The following RIC3 variants were observed in gnomAD, a reference collection of about 807,000 sequenced individuals.
The protein encoded by RIC3 is RIC3 acetylcholine receptor chaperone.
RIC3 carries 28 observed loss-of-function variants against 27.3 expected under a neutral mutation model. The ratio of observed to expected loss-of-function variants is 1.02; its 90% CI spans 0.76 to 1.41. RIC3 has a LOEUF of 1.41. Among genes scored for constraint, RIC3 ranks in the 40% most tolerant of loss-of-function variants. The pLI is 0.00. For synonymous variants in RIC3, 184 were observed against 160.4 expected (o/e 1.15, Z -1.11); for missense variants, 501 against 444.7 (o/e 1.13, Z -1.14).
chr11:8,097,097 G>A, the RIC3 span: 2 of 1,028,826 alleles, frequency 1.9e-6, no homozygotes, highest in African/African-American at 1.6e-5. Flanking sequence ...GGCCCAGGCT[G>A]GCCAGGCCCC....
intron 1 of RIC3, among the ~76,000 whole-genome samples, chr11:8,158,492 G>A (rs1950874548): frequency 6.6e-6 from 1 of 151,924 alleles, no homozygotes; most frequent in Non-Finnish European, 1.5e-5. Flanking sequence ...CAACTACCCT[G>A]CAACCTATTC....
chr11:8,122,992 C>T (rs560381435), intron 5 of RIC3, among the ~76,000 whole-genome samples: 1 of 150,374 alleles, frequency 6.7e-6, no homozygotes, highest in Non-Finnish European at 1.5e-5. Context: ...AAAGCTATTA[C>T]AGATATGAAT....
chr11:8,129,290 G>C (rs1269174746), intron 4 of RIC3, among the ~76,000 whole-genome samples: 1 of 151,766 alleles, frequency 6.6e-6, no homozygotes, highest in Non-Finnish European at 1.5e-5. Context: ...CTCAATCCTA[G>C]GACTCTCATT....
intron 1 of RIC3, among the ~76,000 whole-genome samples, chr11:8,148,968 C>A (rs993446664): frequency 6.9e-6 from 1 of 144,154 alleles, no homozygotes; most frequent in African/African-American, 2.6e-5. Flanking sequence ...ATCACGAGGT[C>A]AGGAGATCAA....
At chr11:8,100,574 TGA>T in the RIC3 span, 42 of 1,614,008 alleles carry the variant, frequency 2.6e-5, no homozygotes, top group Non-Finnish European at 3.5e-5. Flanking sequence ...ACATGGTTCA[TGA>T]GAGAGTCTCT....
intron 1 of RIC3, among the ~76,000 whole-genome samples, chr11:8,153,678 T>A (rs999623742): frequency 6.6e-6 from 1 of 152,216 alleles, no homozygotes. Flanking sequence ...AGGAATACAC[T>A]GTAATTTCCA....
intron 1 of RIC3, among the ~76,000 whole-genome samples, chr11:8,144,305 T>C (rs1259524680): frequency 1.3e-5 from 2 of 150,584 alleles, no homozygotes; most frequent in Admixed American, 6.6e-5. Flanking sequence ...ATATCCAGAA[T>C]CTACGATGAA....
At chr11:8,124,550 T>C (rs915780010) in intron 5 of RIC3, among the ~76,000 whole-genome samples, 2 of 152,152 alleles carry the variant, frequency 1.3e-5, no homozygotes, top group African/African-American at 4.8e-5. Context: ...TAAATTTATC[T>C]GAAATTGTGA....
intron 1 of RIC3, among the ~76,000 whole-genome samples, chr11:8,147,724 ATTTT>A: frequency 8.0e-6 from 1 of 124,516 alleles, no homozygotes; most frequent in African/African-American, 3.1e-5. Context: ...CTTGCGTAAG[ATTTT>A]TTTTTTTTTT....
In RIC3 at chr11:8,142,707, G is replaced by A. The variant is rs1314442127; in HGVS notation, c.125-2514C>T. Among the ~76,000 whole-genome samples the A allele has an allele frequency of 9.9e-3, 1,287 of 129,392 alleles. 30 individuals carry two copies. Among genetic ancestry groups the A allele is most frequent in the African/African-American group, 0.04 (1,210 of 30,270 alleles). 84.9% of individuals were successfully genotyped at this position (129,392 alleles called of 152,430 possible). ...CCAGCATCATTCTGATACCAAAGCCGGGCAGAGACACAACCAAAAAAGAGA... is the reference window on the plus strand; with the variant it reads ...CCAGCATCATTCTGATACCAAAGCCAGGCAGAGACACAACCAAAAAAGAGA... On this transcript the variant is annotated intron_variant, in intron 1 of 5. Coordinates refer to ENST00000309737, the MANE Select transcript of RIC3 (RefSeq NM_001206671.4).
chr11:8,097,825 C>T, the RIC3 span: 4 of 1,611,210 alleles, frequency 2.5e-6, no homozygotes, highest in South Asian at 2.2e-5. Context: ...CGGGAAACTG[C>T]GGTACTAGCA....
At chr11:8,118,375 G>A (rs1383213789) in intron 5 of RIC3, among the ~76,000 whole-genome samples, 3 of 151,584 alleles carry the variant, frequency 2.0e-5, no homozygotes, top group Non-Finnish European at 4.4e-5. Flanking sequence ...AGTTAGTGCA[G>A]GAGATAAAGG....
In RIC3 at chr11:8,106,201, G is replaced by C. The variant is rs889250760; in HGVS notation, c.*4497C>G. On this transcript the variant is annotated 3_prime_UTR_variant, in exon 6 of 6. Coordinates refer to ENST00000309737, the MANE Select transcript of RIC3 (RefSeq NM_001206671.4). ...GTTGTAGAATTTAGTGTTTGTCTAAGTACACACATATATCAACAAATTAAA... is the reference window on the plus strand; with the variant it reads ...GTTGTAGAATTTAGTGTTTGTCTAACTACACACATATATCAACAAATTAAA... 2 of 152,050 alleles carry C rather than the reference G, an allele frequency of 1.3e-5. No individual in the cohort carries two copies. The highest frequency in any genetic ancestry group is 2.9e-5 in the Non-Finnish European group (2 of 67,968). 9.4% of individuals were successfully genotyped at this position (152,050 alleles called of 1,614,324 possible).
intron 2 of RIC3, 99 bp downstream of exon 2, chr11:8,139,868 A>G: frequency 9.4e-7 from 1 of 1,064,100 alleles, no homozygotes; most frequent in Non-Finnish European, 1.4e-6. Context: ...TGGATTTGAA[A>G]TAATTTTATG....
At chr11:8,119,927 C>T (rs556569139) in intron 5 of RIC3, among the ~76,000 whole-genome samples, 25 of 152,292 alleles carry the variant, frequency 1.6e-4, no homozygotes, top group Admixed American at 4.6e-4. Flanking sequence ...ATGCAGCCAA[C>T]AGACATATGA....
chr11:8,094,154 G>C, the RIC3 span: 1 of 1,613,978 alleles, frequency 6.2e-7, no homozygotes, highest in Non-Finnish European at 8.5e-7. Context: ...GGCCAGGGTG[G>C]CGCCGCTAGG....
chr11:8,139,518 G>A (rs1948798215), intron 2 of RIC3: 1 of 163,484 alleles, frequency 6.1e-6, no homozygotes, highest in Non-Finnish European at 1.3e-5. Flanking sequence ...AAACAAGCAG[G>A]ATAAAGTGGT....
At position 8,107,215 on chromosome 11, in the gene RIC3, A is replaced by G. The variant is rs1564942303; in HGVS notation, c.*3483T>C. ...AATATTGCTGAATAGCTAAAGCACT[A>G]AATTTTTCTTTGGAATACAAATAGT... is the stretch of plus-strand genomic sequence containing the variant. On this transcript the variant is annotated 3_prime_UTR_variant, in exon 6 of 6. Transcript: ENST00000309737. 1 of 152,230 alleles carries G rather than the reference A, an allele frequency of 6.6e-6. No individual in the cohort carries two copies. Among genetic ancestry groups the G allele is most frequent in the East Asian group, 1.9e-4 (1 of 5,200 alleles). 9.4% of individuals were successfully genotyped at this position (152,230 alleles called of 1,614,324 possible).
intron 1 of RIC3, among the ~76,000 whole-genome samples, chr11:8,168,484 C>T (rs937643624): frequency 6.6e-6 from 1 of 152,154 alleles, no homozygotes; most frequent in East Asian, 1.9e-4. Flanking sequence ...AGAAAGTACA[C>T]GGAAAACCTA....
Sources: gnomAD v4.1 joint callset for allele counts (sites outside exome capture counted in the v4.1 genomes callset) on GRCh38, gnomAD v4.1.1 for gene constraint, MANE v1.5 for transcripts, NCBI Gene and HGNC (gene_info 2026-07-23, HGNC 2026-07-21) for gene names.